The following PPP2R2D variants were observed in gnomAD, a reference collection of about 807,000 sequenced individuals.
PPP2R2D encodes serine/threonine-protein phosphatase 2A 55 kDa regulatory subunit B delta isoform.
Under a neutral mutation model 31.1 loss-of-function variants are expected in PPP2R2D, and 9 were observed. That is an observed-to-expected ratio of 0.29 (90% CI 0.17 to 0.51). PPP2R2D has a LOEUF of 0.51. Ranked by LOEUF, PPP2R2D falls within the 20% of genes least tolerant of loss-of-function variation. The pLI is 0.98. For synonymous variants in PPP2R2D, 179 were observed against 172.6 expected (o/e 1.04, Z -0.29); for missense variants, 391 against 465.6 (o/e 0.84, Z 1.48).
At chr10:131,971,069 A>C in the PPP2R2D span, 4 of 1,083,848 alleles carry the variant, frequency 3.7e-6, no homozygotes, top group East Asian at 2.5e-5. Flanking sequence ...GGCTCAATTC[A>C]AGAGCCCAGA....
At chr10:131,971,041 C>T in the PPP2R2D span, 4 of 1,396,558 alleles carry the variant, frequency 2.9e-6, no homozygotes, top group Non-Finnish European at 1.0e-6. Context: ...CAGCTCCCAC[C>T]CGAGCTTCAG....
At chr10:131,955,298 TTGAACA>T (rs1311503756) in intron 8 of PPP2R2D, among the ~76,000 whole-genome samples, 2 of 152,214 alleles carry the variant, frequency 1.3e-5, no homozygotes, top group Non-Finnish European at 2.9e-5. Flanking sequence ...CTAGTAACTG[TTGAACA>T]TGATAAGGAT....
At chr10:131,939,827 T>C in intron 3 of PPP2R2D, 1 of 343,252 alleles carries the variant, frequency 2.9e-6, no homozygotes, top group Non-Finnish European at 5.2e-6. Context: ...TCCAGATGCA[T>C]ACCTAGAAGT....
intron 2 of PPP2R2D, among the ~76,000 whole-genome samples, chr10:131,910,370 T>A (rs1187594360): frequency 6.6e-6 from 1 of 152,164 alleles, no homozygotes; most frequent in Non-Finnish European, 1.5e-5. Context: ...ATCACTGATC[T>A]CATCAGAAGA....
At chr10:131,961,000 G>A (rs1025982782), downstream of PPP2R2D, among the ~76,000 whole-genome samples, 3 of 152,170 alleles carry the variant, frequency 2.0e-5, no homozygotes, top group Non-Finnish European at 2.9e-5. Flanking sequence ...CTGTCCTGTC[G>A]TTGCTGTGCT....
intron 8 of PPP2R2D, among the ~76,000 whole-genome samples, chr10:131,953,976 T>A (rs1473899867): frequency 6.6e-6 from 1 of 152,208 alleles, no homozygotes; most frequent in Admixed American, 6.5e-5. Flanking sequence ...AAACTTCTGT[T>A]GAGGGATGCG....
chr10:131,945,353 C>A lies in PPP2R2D; in HGVS notation c.714C>A (p.Ala238=). Reference sequence around the variant, plus strand: ...AGCTGACCGAAGTCATCACTGCAGCCGAGTTCCACCCGCACCAGTGCAACG... The same window carrying A: ...AGCTGACCGAAGTCATCACTGCAGCAGAGTTCCACCCGCACCAGTGCAACG... ...MEELTEVITA[A]EFHPHQCNVF... Residue 238 remains alanine, a synonymous_variant, in exon 7 of 9, where the codon GCC becomes GCA. Coordinates refer to ENST00000455566, the MANE Select transcript of PPP2R2D (RefSeq NM_018461.5). The surrounding 1 kb of genome is among the most constrained non-coding windows in gnomAD (Gnocchi z 4.8). The A allele has an allele frequency of 1.2e-6, 2 of 1,614,188 alleles. No homozygotes were observed. The highest frequency in any genetic ancestry group is 1.7e-6 in the Non-Finnish European group (2 of 1,180,038).
chr10:131,940,779 T>C (rs990356794), intron 5 of PPP2R2D, 85 bp downstream of exon 5: 3 of 676,344 alleles, frequency 4.4e-6, no homozygotes, highest in Non-Finnish European at 2.7e-6. Flanking sequence ...TGCTGCGCGG[T>C]GGAGTACTGT....
At chr10:131,925,462 T>C (rs1289425121) in intron 2 of PPP2R2D, among the ~76,000 whole-genome samples, 1 of 152,244 alleles carries the variant, frequency 6.6e-6, no homozygotes, top group East Asian at 1.9e-4. Context: ...TGTTTTTGTA[T>C]GTTAAACCAA....
intron 2 of PPP2R2D, among the ~76,000 whole-genome samples, chr10:131,908,179 T>C (rs1206456025): frequency 6.6e-6 from 1 of 152,230 alleles, no homozygotes; most frequent in Non-Finnish European, 1.5e-5. Context: ...CCTTACCTGC[T>C]TCATGTCCAT....
intron 2 of PPP2R2D, among the ~76,000 whole-genome samples, chr10:131,931,326 A>G (rs533286422): frequency 6.6e-6 from 1 of 152,324 alleles, no homozygotes; most frequent in African/African-American, 2.4e-5. Flanking sequence ...CTCTTTGTTC[A>G]GATTCCATCC....
At chr10:131,911,028 T>C (rs2035674694) in intron 2 of PPP2R2D, among the ~76,000 whole-genome samples, 1 of 152,192 alleles carries the variant, frequency 6.6e-6, no homozygotes, top group African/African-American at 2.4e-5. Context: ...TCCTTTATAA[T>C]AAACCGCTAA....
intron 2 of PPP2R2D, among the ~76,000 whole-genome samples, chr10:131,929,660 C>T (rs1554895412): frequency 6.6e-6 from 1 of 152,150 alleles, no homozygotes; most frequent in Admixed American, 6.5e-5. Flanking sequence ...GCCACACCTG[C>T]CCGCTCCATT....
rs782662178 is a variant in PPP2R2D, at chr10:131,940,067, G to A, written c.235G>A (p.Val79Ile). The change falls in exon 4 of 9, where the codon GTT (valine) becomes ATT (isoleucine). Residue 79 changes from valine (V) to isoleucine (I), a missense_variant. Physicochemically the swap from Val to Ile is conservative, Grantham distance 29. Transcript: ENST00000455566. Reference sequence around the variant, plus strand: ...CCCTCATTCTAGGGGAGAATATAATGTTTACAGCACCTTTCAAAGTCATGA... The same window carrying A: ...CCCTCATTCTAGGGGAGAATATAATATTTACAGCACCTTTCAAAGTCATGA... Reference protein sequence around the residue: ...SRPHSRGEYNVYSTFQSHEPE... With the variant: ...SRPHSRGEYNIYSTFQSHEPE... The A allele has an allele frequency of 1.3e-6, 1 of 773,088 alleles. No individual in the cohort carries two copies. The highest frequency in any genetic ancestry group is 2.4e-6 in the Non-Finnish European group (1 of 415,512). The allele number at this position is 773,088 out of a possible 1,614,324, so 47.9% of individuals were successfully genotyped here.
chr10:131,961,308 G>A (rs575490934), downstream of PPP2R2D, among the ~76,000 whole-genome samples: 1 of 152,310 alleles, frequency 6.6e-6, no homozygotes, highest in South Asian at 2.1e-4. Context: ...TGGTGTGCAG[G>A]GGTGGGTGGA....
chr10:131,967,134 CA>C, the PPP2R2D span: 1 of 152,202 alleles, frequency 6.6e-6, no homozygotes, highest in Non-Finnish European at 1.5e-5. Flanking sequence ...CTCAACCTCC[CA>C]AAGTGCTGGG....
intron 2 of PPP2R2D, 144 bp from the exon 3 acceptor site, chr10:131,934,314 C>A (rs186092035): frequency 6.8e-6 from 4 of 589,958 alleles, no homozygotes; most frequent in East Asian, 5.7e-5. Context: ...TTGGTAATTA[C>A]AAGTTTGCCA....
At chr10:131,912,905 C>T (rs1470760395) in intron 2 of PPP2R2D, among the ~76,000 whole-genome samples, 3 of 152,212 alleles carry the variant, frequency 2.0e-5, no homozygotes, top group Admixed American at 2.0e-4. Flanking sequence ...AGTGGGTACA[C>T]GGTGTCAGAG....
At chr10:131,970,404 C>T in the PPP2R2D span, 13 of 593,818 alleles carry the variant, frequency 2.2e-5, no homozygotes, top group African/African-American at 2.2e-4. This position sits in a 1 kb window ranked among gnomAD's most constrained non-coding sequence, Gnocchi z 4.1. Flanking sequence ...CAGTGAGCAA[C>T]AGGCAGACTC....
Sources: allele counts gnomAD v4.1 joint callset (sites outside exome capture counted in the v4.1 genomes callset), GRCh38; gene constraint gnomAD v4.1.1; non-coding constraint Gnocchi (gnomAD v3.1); transcripts MANE v1.5; gene names NCBI Gene and HGNC (gene_info 2026-07-23, HGNC 2026-07-21).